The following ZEB2 variants were observed in gnomAD, a reference collection of about 807,000 sequenced individuals.
The protein encoded by ZEB2 is zinc finger E-box-binding homeobox 2.
A neutral mutation model predicts 99.9 loss-of-function variants in ZEB2; 6 were observed. That is an observed-to-expected ratio of 0.06 (90% confidence interval 0.03 to 0.12). The LOEUF (loss-of-function observed/expected upper bound fraction) is 0.12. ZEB2 is among the 10% of genes least tolerant of loss of function. The pLI is 1.00. For missense variants in ZEB2, 969 were observed against 1,502.8 expected (o/e 0.64, Z 5.87); for synonymous variants, 517 against 542.5 (o/e 0.95, Z 0.65).
chr2:144,458,650 T>A (rs1020647991), intron 2 of ZEB2, among the ~76,000 whole-genome samples: 13 of 152,184 alleles, frequency 8.5e-5, no homozygotes, highest in African/African-American at 2.9e-4. Flanking sequence ...GAAATTTAAG[T>A]AGGCAGCCCT....
At chr2:144,456,716 T>C (rs1295873420) in intron 2 of ZEB2, among the ~76,000 whole-genome samples, 1 of 152,172 alleles carries the variant, frequency 6.6e-6, no homozygotes, top group Admixed American at 6.6e-5. Context: ...TGGTCTTAGA[T>C]TCTGCTCTTG....
At chr2:144,433,675 T>C (rs1216644376) in intron 2 of ZEB2, among the ~76,000 whole-genome samples, 1 of 152,170 alleles carries the variant, frequency 6.6e-6, no homozygotes, top group Non-Finnish European at 1.5e-5. Flanking sequence ...TATTTTCACT[T>C]CACCAGATTA....
At chr2:144,418,023 G>C (rs1463535294) in intron 4 of ZEB2, among the ~76,000 whole-genome samples, 1 of 152,132 alleles carries the variant, frequency 6.6e-6, no homozygotes, top group African/African-American at 2.4e-5. Flanking sequence ...AGTTGTCAAA[G>C]AAAGGAAAAG....
chr2:144,391,239 C>T (rs1471138181), intron 9 of ZEB2, among the ~76,000 whole-genome samples: 3 of 152,144 alleles, frequency 2.0e-5, no homozygotes, highest in South Asian at 2.1e-4. Context: ...TGCCACTATT[C>T]GGAAAGTGCT....
intron 2 of ZEB2, among the ~76,000 whole-genome samples, chr2:144,487,752 A>G (rs1181430976): frequency 6.6e-6 from 1 of 152,210 alleles, no homozygotes; most frequent in Non-Finnish European, 1.5e-5. Context: ...GATCTCTGAA[A>G]AAGAATTCAA....
chr2:144,471,793 T>G (rs1017055091), intron 2 of ZEB2, among the ~76,000 whole-genome samples: 2 of 122,326 alleles, frequency 1.6e-5, no homozygotes, highest in Admixed American at 7.7e-5. Context: ...TCACTTGTGT[T>G]TTTTTTTTTT....
intron 2 of ZEB2, among the ~76,000 whole-genome samples, chr2:144,515,685 G>C (rs1705121736): frequency 6.6e-6 from 1 of 151,490 alleles, no homozygotes; most frequent in Non-Finnish European, 1.5e-5. Flanking sequence ...ATAACGTAAC[G>C]AACAGTTTCT....
chr2:144,505,719 T>C (rs1047816611), intron 2 of ZEB2, among the ~76,000 whole-genome samples: 4 of 152,138 alleles, frequency 2.6e-5, no homozygotes, highest in African/African-American at 4.8e-5. Flanking sequence ...ACATAGCAGT[T>C]TGACAGCACA....
intron 2 of ZEB2, among the ~76,000 whole-genome samples, chr2:144,502,396 A>G (rs1704885073): frequency 2.0e-5 from 3 of 152,094 alleles, no homozygotes; most frequent in African/African-American, 7.2e-5. Flanking sequence ...AAGTGGTAAC[A>G]TCTGTGCTCC....
chr2:144,492,018 G>A (rs983131362), intron 2 of ZEB2, among the ~76,000 whole-genome samples: 3 of 152,178 alleles, frequency 2.0e-5, no homozygotes, highest in African/African-American at 7.2e-5. Flanking sequence ...TGTGGCAAAC[G>A]TATAGTCAAG....
chr2:144,492,704 AAAAC>A (rs1459227761), intron 2 of ZEB2, among the ~76,000 whole-genome samples: 1 of 152,220 alleles, frequency 6.6e-6, no homozygotes, highest in Non-Finnish European at 1.5e-5. Flanking sequence ...ACTAAAAACA[AAAAC>A]AAAAACAAAA....
intron 2 of ZEB2, among the ~76,000 whole-genome samples, chr2:144,491,228 G>C (rs1307700322): frequency 6.6e-6 from 1 of 152,178 alleles, no homozygotes; most frequent in Non-Finnish European, 1.5e-5. Context: ...CCTTTGCCTT[G>C]GGTTTACTTC....
At chr2:144,490,597 A>G (rs1264228170) in intron 2 of ZEB2, among the ~76,000 whole-genome samples, 2 of 152,134 alleles carry the variant, frequency 1.3e-5, no homozygotes, top group Non-Finnish European at 2.9e-5. Context: ...GTTTTCTAGG[A>G]TTTACATCTG....
At chr2:144,390,274 AT>A (rs1245813767) in intron 9 of ZEB2, among the ~76,000 whole-genome samples, 1 of 152,178 alleles carries the variant, frequency 6.6e-6, no homozygotes, top group African/African-American at 2.4e-5. Flanking sequence ...CTGGAGGAAA[AT>A]TCTCAGACAG....
intron 2 of ZEB2, among the ~76,000 whole-genome samples, chr2:144,447,897 C>T (rs995863378): frequency 1.3e-5 from 2 of 152,144 alleles, no homozygotes; most frequent in African/African-American, 4.8e-5. Context: ...AATTTGAATC[C>T]AGCTGACTAA....
At chr2:144,482,200 T>C (rs954541656) in intron 2 of ZEB2, 2 of 152,212 alleles carry the variant, frequency 1.3e-5, no homozygotes, top group African/African-American at 2.4e-5. Context: ...CAAATACATC[T>C]TAAGGTTTCT....
Position 144,404,923 on chromosome 2 carries a change from G to A in ZEB2, c.505C>T (p.Arg169Cys), listed in dbSNP as rs769433211. Residue 169 changes from arginine to cysteine, a missense_variant, in exon 5 of 10, where the codon CGC becomes TGC. Transcript: ENST00000627532. ...GGGTAAATAATGGCTGTGTCACTGC[G>A]CTGAAGGTACTCCTCGATGCTGACT... ...HAVSIEEYLQ[R>C]SDTAIIYPEA... The A allele has an allele frequency of 2.5e-6, 4 of 1,614,208 alleles. No homozygotes were observed. Among genetic ancestry groups the A allele is most frequent in the South Asian group, 2.2e-5 (2 of 91,084 alleles).
In ZEB2 at chr2:144,398,845, T is replaced by C. The variant is rs750936389; in HGVS notation, c.2342A>G (p.Asn781Ser). The change falls in exon 8 of 10, where the codon AAT becomes AGT. Residue 781 changes from asparagine to serine, a missense_variant. Around this residue, in one of 8 missense-constraint regions of ZEB2, gnomAD observed 346 missense variants for 460.0 expected, o/e 0.75. Transcript: ENST00000627532. ...PVEKLDHSRS[N>S]TPSPLNLSST... The stretch of plus-strand genomic sequence containing the variant: ...GGAAAGATTTAAGGGAGAAGGAGTA[T>C]TACTCCTGGAGTGGTCCAATTTTTC... The C allele has an allele frequency of 5.0e-6, 8 of 1,613,998 alleles. No individual in the cohort carries two copies. In the Admixed American group the frequency reaches 8.3e-5, roughly 17 times the overall value.
At position 144,460,362 on chromosome 2, in the gene ZEB2, C is replaced by T. The variant is rs748310346; in HGVS notation, c.74-30336G>A. ...GGTGGTTGTTCTTTCATTTTCTTTT[C>T]TTTCTCTCTCTCTCTATTTATTTAT... On this transcript the variant is annotated intron_variant, in intron 2 of 9. Coordinates refer to ENST00000627532, the MANE Select transcript of ZEB2 (RefSeq NM_014795.4). Among the ~76,000 whole-genome samples, 52 of 152,026 alleles carry T rather than the reference C, an allele frequency of 3.4e-4. 1 individual carries two copies. Among genetic ancestry groups the T allele is most frequent in the South Asian group, 6.2e-4 (3 of 4,818 alleles).
Sources: gnomAD v4.1 joint callset for allele counts (sites outside exome capture counted in the v4.1 genomes callset) on GRCh38, gnomAD v4.1.1 for gene constraint, gnomAD v4.1.1 regional missense constraint, MANE v1.5 for transcripts, NCBI Gene and HGNC (gene_info 2026-07-23, HGNC 2026-07-21) for gene names.